RPTOR: variants seen among roughly 807,000 people sequenced by gnomAD.
RPTOR encodes the protein regulatory associated protein of MTOR complex 1.
A neutral mutation model predicts 169.9 loss-of-function variants in RPTOR; 21 were observed. The ratio of observed to expected loss-of-function variants is 0.12; its 90% CI spans 0.09 to 0.18. The LOEUF (loss-of-function observed/expected upper bound fraction) is 0.18, where lower values mean the gene tolerates loss of function less well. Among genes scored for constraint, RPTOR ranks in the 10% least tolerant of loss-of-function variants. RPTOR has a pLI of 1.00. For missense variants in RPTOR, 1,133 were observed against 1,855.9 expected (o/e 0.61, Z 7.16); for synonymous variants, 732 against 753.2 (o/e 0.97, Z 0.46).
intron 20 of RPTOR, among the ~76,000 whole-genome samples, chr17:80,900,054 A>G (rs987043963): frequency 3.3e-5 from 5 of 152,122 alleles, no homozygotes; most frequent in African/African-American, 7.2e-5. Flanking sequence ...AGCCAGTACC[A>G]TCGGCTCTGG....
intron 3 of RPTOR, among the ~76,000 whole-genome samples, chr17:80,673,307 TC>T (rs1831672957): frequency 6.6e-6 from 1 of 152,180 alleles, no homozygotes; most frequent in African/African-American, 2.4e-5. Flanking sequence ...AGGAGCCAAA[TC>T]AGGACTGTAA....
At chr17:80,718,709 T>C (rs2066260137) in intron 4 of RPTOR, among the ~76,000 whole-genome samples, 1 of 152,180 alleles carries the variant, frequency 6.6e-6, no homozygotes, top group South Asian at 2.1e-4. Context: ...ATGGTATTCA[T>C]TGGAAACTAC....
chr17:80,646,903 G>T lies in RPTOR; in HGVS notation c.348+3093G>T, dbSNP rs532916888. 6.6e-6 allele frequency among the ~76,000 whole-genome samples: 1 copy of T among 152,286 alleles called. No individual in the cohort carries two copies. The highest frequency in any genetic ancestry group is 2.1e-4 in the South Asian group (1 of 4,820). On this transcript the variant is annotated intron_variant, in intron 3 of 33. Transcript: ENST00000306801. The surrounding 1 kb of genome is among the most constrained non-coding windows in gnomAD (Gnocchi z 5.0). ...AGTAGGAAATGCCTGTTTTCTCAACGGTAGCGTCCATCCAGGAGGTGCAGA... is the reference window on the plus strand; with the variant it reads ...AGTAGGAAATGCCTGTTTTCTCAACTGTAGCGTCCATCCAGGAGGTGCAGA...
intron 28 of RPTOR, among the ~76,000 whole-genome samples, chr17:80,949,973 G>A (rs1170196102): frequency 4.6e-5 from 7 of 152,246 alleles, no homozygotes; most frequent in African/African-American, 7.2e-5. Flanking sequence ...GGCCTCACGC[G>A]CTCGCTGGCA....
chr17:80,899,542 G>A (rs2068449418), intron 20 of RPTOR, among the ~76,000 whole-genome samples: 1 of 152,218 alleles, frequency 6.6e-6, no homozygotes, highest in Non-Finnish European at 1.5e-5. Context: ...CTCTGCCCCA[G>A]TTCACGCTCA....
intron 32 of RPTOR, 147 bp downstream of exon 32, chr17:80,962,724 C>A: frequency 9.1e-7 from 1 of 1,097,482 alleles, no homozygotes; most frequent in Non-Finnish European, 1.3e-6. Context: ...CAAAAGATGT[C>A]TGCCCACCAC....
At chr17:80,876,660 A>G (rs2068118871) in intron 13 of RPTOR, among the ~76,000 whole-genome samples, 1 of 120,966 alleles carries the variant, frequency 8.3e-6, no homozygotes, top group African/African-American at 3.3e-5. Context: ...CGTGCCACGC[A>G]GGGTGTGTGT....
At chr17:80,751,341 G>C (rs931899686) in intron 5 of RPTOR, among the ~76,000 whole-genome samples, 1 of 152,190 alleles carries the variant, frequency 6.6e-6, no homozygotes. Context: ...CACTCTGGAC[G>C]CATGTGCTGG....
chr17:80,725,632 G>A (rs1259696950), intron 4 of RPTOR, among the ~76,000 whole-genome samples: 6 of 152,166 alleles, frequency 3.9e-5, no homozygotes, highest in African/African-American at 9.7e-5. Flanking sequence ...CCCTGCAGCC[G>A]GGGCTGTGAG....
intron 10 of RPTOR, among the ~76,000 whole-genome samples, chr17:80,838,505 G>A (rs903730888): frequency 2.6e-5 from 4 of 152,214 alleles, no homozygotes; most frequent in Non-Finnish European, 4.4e-5. Flanking sequence ...CCGGGCCTTC[G>A]CGGCAGCTCC....
chr17:80,844,388 A>C lies in RPTOR; in HGVS notation c.1213-2085A>C, dbSNP rs1161481505. On this transcript the variant is annotated intron_variant, in intron 10 of 33. Coordinates refer to ENST00000306801, the MANE Select transcript of RPTOR (RefSeq NM_020761.3). The surrounding 1 kb of genome is among the most constrained non-coding windows in gnomAD (Gnocchi z 4.7). The stretch of plus-strand genomic sequence containing the variant: ...ATGTGAAAATCCATCAGGCAAAGCT[A>C]ATGTGATAGAAAGAAGAGGTGTAAC... Among the ~76,000 whole-genome samples, 1 of 152,204 alleles carries C rather than the reference A, an allele frequency of 6.6e-6. No individual in the cohort carries two copies. Among genetic ancestry groups the C allele is most frequent in the Non-Finnish European group, 1.5e-5 (1 of 68,036 alleles).
chr17:80,889,663 A>C (rs185784164), intron 17 of RPTOR, among the ~76,000 whole-genome samples: 1 of 152,328 alleles, frequency 6.6e-6, no homozygotes, highest in Admixed American at 6.5e-5. Flanking sequence ...AAAGAAGGCC[A>C]GTGCGTGTGT....
chr17:80,744,403 C>CTAGCACAGCCCTGGT (rs2066538637), intron 5 of RPTOR, among the ~76,000 whole-genome samples: 1 of 22,646 alleles, frequency 4.4e-5, no homozygotes, highest in African/African-American at 2.9e-4. Context: ...ACTGTCCTGG[C>CTAGCACAGCCCTGGT]TACTAGCACA....
chr17:80,809,789 A>G (rs2067254889), intron 7 of RPTOR, among the ~76,000 whole-genome samples: 1 of 152,112 alleles, frequency 6.6e-6, no homozygotes, highest in African/African-American at 2.4e-5. Context: ...CTGTAATCCC[A>G]ACACTTTGGG....
intron 24 of RPTOR, among the ~76,000 whole-genome samples, chr17:80,928,929 C>T (rs1225484232): frequency 6.6e-6 from 1 of 152,260 alleles, no homozygotes; most frequent in African/African-American, 2.4e-5. Context: ...TCCAGTACTC[C>T]CTTTGCTTAG....
At position 80,746,527 on chromosome 17, in the gene RPTOR, T is replaced by C. The variant is rs1341581087; in HGVS notation, c.655-7483T>C. The stretch of plus-strand genomic sequence containing the variant: ...GCATCGCAAGACTTTTCTGGATCCT[T>C]CCCAAATCCTCCAGAAGACTCTGGA... On this transcript the variant is annotated intron_variant, in intron 5 of 33. Transcript: ENST00000306801. The surrounding 1 kb of genome is among the most constrained non-coding windows in gnomAD (Gnocchi z 4.5). Among the ~76,000 whole-genome samples the C allele has an allele frequency of 1.3e-5, 2 of 152,220 alleles. No individual in the cohort carries two copies. Among genetic ancestry groups the C allele is most frequent in the Non-Finnish European group, 2.9e-5 (2 of 68,032 alleles).
intron 4 of RPTOR, among the ~76,000 whole-genome samples, chr17:80,725,813 T>A (rs2066327728): frequency 6.6e-6 from 1 of 152,172 alleles, no homozygotes; most frequent in South Asian, 2.1e-4. Context: ...GGTTTTATAT[T>A]CCCTGAGGGA....
At chr17:80,678,647 G>A (rs946204546) in intron 3 of RPTOR, among the ~76,000 whole-genome samples, 3 of 152,194 alleles carry the variant, frequency 2.0e-5, no homozygotes, top group South Asian at 2.1e-4. Context: ...CCAGAGCAAC[G>A]CCTGACTCAG....
In RPTOR at chr17:80,944,263, C is replaced by T. The variant is rs539985406; in HGVS notation, c.3026-1404C>T. ...TTACCATTCTAGACTGAAAGACCCC[C>T]GGACTTTGGCTGCAATGTGGATCCT... On this transcript the variant is annotated intron_variant, in intron 25 of 33. Coordinates refer to ENST00000306801, the MANE Select transcript of RPTOR (RefSeq NM_020761.3). 6.6e-4 allele frequency among the ~76,000 whole-genome samples: 100 copies of T among 152,344 alleles called. 1 individual carries two copies. Among genetic ancestry groups the T allele is most frequent in the African/African-American group, 2.4e-3 (98 of 41,576 alleles).
Sources: allele counts gnomAD v4.1 joint callset (sites outside exome capture counted in the v4.1 genomes callset), GRCh38; gene constraint gnomAD v4.1.1; non-coding constraint Gnocchi (gnomAD v3.1); transcripts MANE v1.5; gene names NCBI Gene and HGNC (gene_info 2026-07-23, HGNC 2026-07-21).